TVP23C: variants seen among roughly 807,000 people sequenced by gnomAD.
TVP23C encodes the protein trans-golgi network vesicle protein 23 homolog C.
A neutral mutation model predicts 28.7 loss-of-function variants in TVP23C; 19 were observed. That is an observed-to-expected ratio of 0.66 (90% confidence interval 0.46 to 0.97). The LOEUF is 0.97. TVP23C is among the 50% of genes least tolerant of loss of function. The pLI is 0.00. For synonymous variants in TVP23C, 68 were observed against 81.7 expected (o/e 0.83, Z 0.90); for missense variants, 186 against 241.3 (o/e 0.77, Z 1.52).
rs572149785 is a variant in TVP23C at position 15,546,864 on chromosome 17, C to T, written c.330+195G>A. On this transcript the variant is annotated intron_variant, in intron 4 of 5. Transcript: ENST00000518321. ...GTGTCTTCCCTCAAAGGATTCTGTT[C>T]GTATATTGCTTGTTTCTGGTCTGAA... Among the ~76,000 whole-genome samples, 6 of 152,030 alleles carry T rather than the reference C, an allele frequency of 3.9e-5. No homozygotes were observed. The South Asian group carries it at 1.2e-3, about 32-fold the overall frequency.
chr17:15,533,158 T>A (rs1480182168), downstream of TVP23C, among the ~76,000 whole-genome samples: 1 of 152,222 alleles, frequency 6.6e-6, no homozygotes, highest in African/African-American at 2.4e-5. Flanking sequence ...CAATATAACT[T>A]ACGTGAGGCA....
chr17:15,532,874 C>T (rs1160746112), downstream of TVP23C, among the ~76,000 whole-genome samples: 1 of 152,036 alleles, frequency 6.6e-6, no homozygotes, highest in Non-Finnish European at 1.5e-5. Flanking sequence ...CATGATAGAC[C>T]ATCTAAATGA....
At chr17:15,506,083 G>A (rs1164823778) in intron 5 of TVP23C, among the ~76,000 whole-genome samples, 4 of 152,234 alleles carry the variant, frequency 2.6e-5, no homozygotes, top group African/African-American at 7.2e-5. Flanking sequence ...AGCGCACGGC[G>A]CAGGACTGGC....
At chr17:15,535,837 A>G (rs1983130106), downstream of TVP23C, among the ~76,000 whole-genome samples, 1 of 152,226 alleles carries the variant, frequency 6.6e-6, no homozygotes, top group Non-Finnish European at 1.5e-5. Context: ...GCTATGAGCA[A>G]CAGAGAAGCC....
At chr17:15,535,971 C>G (rs1019426049), downstream of TVP23C, among the ~76,000 whole-genome samples, 2 of 152,174 alleles carry the variant, frequency 1.3e-5, no homozygotes, top group Admixed American at 1.3e-4. Context: ...GCGGGCGGAT[C>G]ACCTAAGGTC....
At chr17:15,561,427 C>G (rs1050357622) in intron 1 of TVP23C, among the ~76,000 whole-genome samples, 2 of 152,058 alleles carry the variant, frequency 1.3e-5, no homozygotes, top group African/African-American at 4.8e-5. Flanking sequence ...GGTGAAACCC[C>G]ATCTCTACTA....
At chr17:15,536,198 A>C (rs1983148667), downstream of TVP23C, among the ~76,000 whole-genome samples, 1 of 152,206 alleles carries the variant, frequency 6.6e-6, no homozygotes, top group South Asian at 2.1e-4. Flanking sequence ...TTTCAAAAAA[A>C]AAAATTCAGA....
intron 5 of TVP23C, among the ~76,000 whole-genome samples, chr17:15,515,470 G>A (rs537731567): frequency 1.2e-4 from 19 of 152,284 alleles, no homozygotes; most frequent in South Asian, 8.3e-4. Context: ...GCCTCCACTC[G>A]GGAAACATAC....
chr17:15,523,483 G>A (rs1672977516), intron 5 of TVP23C, among the ~76,000 whole-genome samples: 2 of 148,142 alleles, frequency 1.4e-5, no homozygotes, highest in Admixed American at 6.8e-5. Flanking sequence ...GCTAATTTTT[G>A]TATTTTTGTA....
intron 1 of TVP23C, among the ~76,000 whole-genome samples, chr17:15,558,865 C>CT (rs1984250588): frequency 1.4e-5 from 2 of 142,652 alleles, no homozygotes; most frequent in Non-Finnish European, 3.1e-5. Context: ...CCAGACTGGC[C>CT]ATTTTTTTTT....
intron 5 of TVP23C, among the ~76,000 whole-genome samples, chr17:15,517,293 C>G (rs1982271192): frequency 6.6e-6 from 1 of 152,210 alleles, no homozygotes; most frequent in Non-Finnish European, 1.5e-5. Context: ...TATGTGTATC[C>G]TCCCAGCATC....
chr17:15,519,481 T>TACACACACAC (rs3031137), intron 5 of TVP23C, among the ~76,000 whole-genome samples: 3 of 142,828 alleles, frequency 2.1e-5, no homozygotes, highest in African/African-American at 5.1e-5. Context: ...CAAATAAATA[T>TACACACACAC]ACACACACAC....
At chr17:15,546,312 G>GA (rs996837081) in intron 4 of TVP23C, among the ~76,000 whole-genome samples, 61 of 148,508 alleles carry the variant, frequency 4.1e-4, no homozygotes, top group African/African-American at 6.5e-4. Flanking sequence ...GTCCAGAGGG[G>GA]AAAAAAAAAA....
intron 3 of TVP23C, among the ~76,000 whole-genome samples, chr17:15,549,539 G>C (rs1983796956): frequency 6.6e-6 from 1 of 152,010 alleles, no homozygotes; most frequent in African/African-American, 2.4e-5. Flanking sequence ...ATTCGCTAGG[G>C]ATGGTGGTGC....
At chr17:15,548,230 G>A (rs999850102) in intron 3 of TVP23C, among the ~76,000 whole-genome samples, 13 of 152,174 alleles carry the variant, frequency 8.5e-5, no homozygotes, top group Admixed American at 5.2e-4. Flanking sequence ...GCAACGGGGC[G>A]ATCTCAGCTC....
chr17:15,541,763 C>T (rs1164796203), intron 5 of TVP23C, among the ~76,000 whole-genome samples: 3 of 152,028 alleles, frequency 2.0e-5, no homozygotes, highest in African/African-American at 7.2e-5. Flanking sequence ...TAAGAGGGTG[C>T]TAGTTTCCTA....
chr17:15,503,315 G>A (rs1015042597), intron 5 of TVP23C: 87 of 1,423,490 alleles, frequency 6.1e-5, no homozygotes, highest in African/African-American at 2.6e-4. Flanking sequence ...CGAGATGGGA[G>A]GATCGCTTCA....
intron 5 of TVP23C, among the ~76,000 whole-genome samples, chr17:15,506,373 C>T (rs989546042): frequency 1.4e-4 from 21 of 152,170 alleles, no homozygotes; most frequent in African/African-American, 3.4e-4. Context: ...GTGCACCAGT[C>T]GACACTCTGT....
intron 5 of TVP23C, among the ~76,000 whole-genome samples, chr17:15,517,040 C>T (rs1982258100): frequency 6.6e-6 from 1 of 152,210 alleles, no homozygotes; most frequent in South Asian, 2.1e-4. Context: ...CTTGCTGAGC[C>T]AACCCAAAAG....
Sources: gnomAD v4.1 joint callset for allele counts (sites outside exome capture counted in the v4.1 genomes callset) on GRCh38, gnomAD v4.1.1 for gene constraint, MANE v1.5 for transcripts, NCBI Gene and HGNC (gene_info 2026-07-23, HGNC 2026-07-21) for gene names.